REXO1: variants seen among roughly 807,000 people sequenced by gnomAD.
REXO1 encodes the protein REX1, RNA exonuclease 1 homolog.
A neutral mutation model predicts 102.6 loss-of-function variants in REXO1; 42 were observed. The ratio of observed to expected loss-of-function variants is 0.41; its 90% CI spans 0.32 to 0.53. The LOEUF is 0.53. Among genes scored for constraint, REXO1 ranks in the 20% least tolerant of loss-of-function variants. REXO1 has a pLI of 0.27. For synonymous variants in REXO1, 908 were observed against 779.1 expected, an observed-to-expected ratio of 1.17 and a Z score of -2.76; for missense variants, 1,819 against 1,732.5, an observed-to-expected ratio of 1.05 and a Z score of -0.89.
Position 1,818,743 on chromosome 19 carries a change from T to C in REXO1, c.2865A>G (p.Ala955=), listed in dbSNP as rs758608813. The C allele has an allele frequency of 4.6e-5, 74 of 1,610,936 alleles. No homozygotes were observed. Among genetic ancestry groups the C allele is most frequent in the Non-Finnish European group, 3.2e-5 (38 of 1,179,888 alleles). Residue 955 remains alanine, a synonymous_variant, in exon 9 of 16, where the codon GCA becomes GCG. Transcript: ENST00000170168. ...PFPHPERPGG[A]IIFTAEEKRP... ...TCTTCTCCTCAGCTGTGAAGATGAT[T>C]GCGCCCCCGGGCCGCTCTGGGTGCG...
At chr19:1,830,876 CACA>C (rs1248240953) in intron 1 of REXO1, 1 of 154,862 alleles carries the variant, frequency 6.5e-6, no homozygotes, top group East Asian at 1.9e-4. Flanking sequence ...ACTGCAAAAA[CACA>C]ACAATAAATA....
Position 1,823,580 on chromosome 19 carries a change from A to T in REXO1, c.2222T>A (p.Leu741Gln). 7.6e-7 allele frequency: 1 copy of T among 1,311,726 alleles called. No homozygotes were observed. Among genetic ancestry groups the T allele is most frequent in the Non-Finnish European group, 9.8e-7 (1 of 1,022,772 alleles). The allele number at this position is 1,311,726 out of a possible 1,614,324, so 81.3% of individuals were successfully genotyped here. A position where few individuals can be genotyped will look rare whatever the true frequency, so the allele number is the denominator to read the frequency against. ...RRIAHIPNPR[L>Q]AAAPTGAKRT... ...CCTGGGCCAGGACTCACCTGCAGCC[A>T]GGCGGGGGTTGGGGATGTGGGCGAT... The change falls in exon 4 of 16, where the codon CTG becomes CAG. Residue 741 changes from leucine (L) to glutamine (Q), a missense_variant. Physicochemically the swap from Leu to Gln is moderately radical, Grantham distance 113 (BLOSUM62 -2). Coordinates refer to ENST00000170168, the MANE Select transcript of REXO1 (RefSeq NM_020695.4).
Position 1,827,539 on chromosome 19 carries a change from C to T in REXO1, c.1250G>A (p.Gly417Asp), listed in dbSNP as rs1193122687. The stretch of plus-strand genomic sequence containing the variant: ...GCGCCGGGGGCTGCTGGCCTGCGGG[C>T]CCTTCTTGTCCGCACGGGGCTTCTC... ...PVEKPRADKK[G>D]PQASSPRRKA... The change falls in exon 2 of 16, where the codon GGC becomes GAC. Residue 417 changes from glycine to aspartate, a missense_variant. Transcript: ENST00000170168. The T allele has an allele frequency of 1.9e-6, 3 of 1,587,814 alleles. No individual in the cohort carries two copies. Among genetic ancestry groups the T allele is most frequent in the South Asian group, 2.3e-5 (2 of 87,608 alleles).
At chr19:1,846,727 G>A (rs1383354883) in intron 1 of REXO1, among the ~76,000 whole-genome samples, 2 of 152,066 alleles carry the variant, frequency 1.3e-5, no homozygotes, top group Non-Finnish European at 2.9e-5. Flanking sequence ...CTATCTCCAC[G>A]AAAACATACA....
chr19:1,828,704 C>A, intron 1 of REXO1, 73 bp from the exon 2 acceptor site: 3 of 1,476,902 alleles, frequency 2.0e-6, no homozygotes, highest in Non-Finnish European at 1.8e-6. Flanking sequence ...CGGCCCCGGT[C>A]TCAAACTGCA....
At chr19:1,846,610 C>G (rs765176578) in intron 1 of REXO1, among the ~76,000 whole-genome samples, 88 of 152,198 alleles carry the variant, frequency 5.8e-4, no homozygotes, top group Non-Finnish European at 1.1e-3. Context: ...TGACTTGCGC[C>G]GGGTGCAGTA....
At chr19:1,825,805 A>AT in intron 3 of REXO1, 34 bp downstream of exon 3, 14 of 1,296,644 alleles carry the variant, frequency 1.1e-5, no homozygotes, top group Non-Finnish European at 1.4e-5. Context: ...AAAAAAAAAA[A>AT]GGCTCCTGCT....
In REXO1 at chr19:1,816,045, C is replaced by A; in HGVS notation, c.*21G>T. 6.5e-7 allele frequency: 1 copy of A among 1,540,462 alleles called. No individual in the cohort carries two copies. On this transcript the variant is annotated 3_prime_UTR_variant, in exon 16 of 16. Transcript: ENST00000170168. The stretch of plus-strand genomic sequence containing the variant: ...AGGACCAGCGGGACGGCAGGAGAGG[C>A]GGGTGGGAGGCGGGCAGGCGTCATC...
rs1313240282 is a variant in REXO1 at position 1,818,533 on chromosome 19, T to G, written c.2965A>C (p.Ile989Leu). The change falls in exon 10 of 16, where the codon ATC becomes CTC. Residue 989 changes from isoleucine (I) to leucine (L), a missense_variant. By Grantham distance (5) the Ile-to-Leu change is conservative (BLOSUM62 2). Coordinates refer to ENST00000170168, the MANE Select transcript of REXO1 (RefSeq NM_020695.4). ...EYLVSSSGRC[I>L]RDEECYYHWG... ...TGGTAATAACACTCCTCGTCCCGGA[T>G]GCAGCGGCCTGAAGAGGACACGAGG... The G allele has an allele frequency of 6.2e-7, 1 of 1,612,052 alleles. No homozygotes were observed. Among genetic ancestry groups the G allele is most frequent in the Non-Finnish European group, 8.5e-7 (1 of 1,179,724 alleles).
chr19:1,817,344 G>A lies in REXO1; in HGVS notation c.3091-15C>T, dbSNP rs113647181. On this transcript the variant is annotated splice_polypyrimidine_tract_variant and intron_variant, in intron 11 of 15. Coordinates refer to ENST00000170168, the MANE Select transcript of REXO1 (RefSeq NM_020695.4). Reference sequence around the variant, plus strand: ...TGCACGTGTTGCTGGGGGTGGAGAAGGCAGGTGAGGGCAGCTTCGGGGTGC... The same window carrying A: ...TGCACGTGTTGCTGGGGGTGGAGAAAGCAGGTGAGGGCAGCTTCGGGGTGC... The A allele has an allele frequency of 1.1e-3, 1,828 of 1,611,202 alleles. 27 individuals are homozygous for A. In the African/African-American group the frequency reaches 0.022, roughly 19 times the overall value.
intron 3 of REXO1, 199 bp from the exon 4 acceptor site, chr19:1,823,984 C>G (rs1025652238): frequency 2.5e-6 from 1 of 395,590 alleles, no homozygotes; most frequent in African/African-American, 2.1e-5. Flanking sequence ...TCCAGGCTCC[C>G]CCACTCCCAG....
At chr19:1,822,321 G>A (rs529948002) in intron 4 of REXO1, 6 of 160,276 alleles carry the variant, frequency 3.7e-5, no homozygotes, top group African/African-American at 9.6e-5. Context: ...AGGGAGGCAG[G>A]ATGAGTCTGC....
At chr19:1,833,936 G>A (rs983904501) in intron 1 of REXO1, among the ~76,000 whole-genome samples, 5 of 152,178 alleles carry the variant, frequency 3.3e-5, no homozygotes, top group Admixed American at 1.3e-4. Flanking sequence ...TCCAGCTAAC[G>A]GGGATGCAGA....
At chr19:1,844,325 A>G (rs998704796) in intron 1 of REXO1, among the ~76,000 whole-genome samples, 3 of 152,210 alleles carry the variant, frequency 2.0e-5, no homozygotes, top group Admixed American at 6.5e-5. Context: ...TCACAGGCAG[A>G]GTCCGCCCAG....
chr19:1,845,971 C>G (rs1312407415), intron 1 of REXO1, among the ~76,000 whole-genome samples: 1 of 152,196 alleles, frequency 6.6e-6, no homozygotes, highest in African/African-American at 2.4e-5. Flanking sequence ...GTTTCCCCAC[C>G]GGCAGCAAAT....
Position 1,834,149 on chromosome 19 carries a change from C to A in REXO1, c.158-5518G>T, listed in dbSNP as rs533398017. 2.0e-5 allele frequency among the ~76,000 whole-genome samples: 3 copies of A among 152,262 alleles called. No homozygotes were observed. In the South Asian group the frequency reaches 6.2e-4, roughly 32 times the overall value. On this transcript the variant is annotated intron_variant, in intron 1 of 15. Coordinates refer to ENST00000170168, the MANE Select transcript of REXO1 (RefSeq NM_020695.4). Reference sequence around the variant, plus strand: ...TAAGACACAGCCTGCAAGATCAACCCAGCCCAGGGGAGCCAAGAGTCACAG... The same window carrying A: ...TAAGACACAGCCTGCAAGATCAACCAAGCCCAGGGGAGCCAAGAGTCACAG...
At chr19:1,831,517 C>G (rs562606537) in intron 1 of REXO1, among the ~76,000 whole-genome samples, 2 of 152,156 alleles carry the variant, frequency 1.3e-5, no homozygotes, top group Admixed American at 1.3e-4. Flanking sequence ...CCCACCCACA[C>G]CCCCTCAAGC....
intron 1 of REXO1, among the ~76,000 whole-genome samples, chr19:1,835,482 A>G (rs375951097): frequency 5.3e-5 from 8 of 152,186 alleles, no homozygotes; most frequent in African/African-American, 1.9e-4. Context: ...TGGGAAGTGG[A>G]GGTTGCAGTG....
Position 1,848,430 on chromosome 19 carries a change from GC to G in REXO1, c.-73del. The G allele has an allele frequency of 9.3e-7, 1 of 1,075,668 alleles. No individual in the cohort carries two copies. Among genetic ancestry groups the G allele is most frequent in the Non-Finnish European group, 1.1e-6 (1 of 879,862 alleles). 66.6% of individuals were successfully genotyped at this position (1,075,668 alleles called of 1,614,324 possible). A position where few individuals can be genotyped will look rare whatever the true frequency, so the allele number is the denominator to read the frequency against. ...GGGCCCCCTCACTGGCGCCGCGGTCGCCGCCGCCCGCGCCTCACGGACCCCG... is the reference window on the plus strand; with the variant it reads ...GGGCCCCCTCACTGGCGCCGCGGTCGCGCCGCCCGCGCCTCACGGACCCCG... On this transcript the variant is annotated 5_prime_UTR_variant, in exon 1 of 16. It removes the in-frame stop codon of an upstream open reading frame in the 5' UTR. Transcript: ENST00000170168.
Sources: allele counts gnomAD v4.1 joint callset (sites outside exome capture counted in the v4.1 genomes callset), GRCh38; gene constraint gnomAD v4.1.1; transcripts MANE v1.5; gene names NCBI Gene and HGNC (gene_info 2026-07-23, HGNC 2026-07-21).